MAST4: variants seen among roughly 807,000 people sequenced by gnomAD.
MAST4 encodes the protein microtubule associated serine/threonine kinase family member 4.
Under a neutral mutation model 162.7 loss-of-function variants are expected in MAST4, and 89 were observed. The observed-to-expected ratio is 0.55, with a 90% CI of 0.46 to 0.65. The LOEUF (loss-of-function observed/expected upper bound fraction) is 0.65, where lower values mean the gene tolerates loss of function less well. Ranked by LOEUF, MAST4 falls within the 30% of genes least tolerant of loss-of-function variation. MAST4 has a pLI of 0.00. For synonymous variants in MAST4, 1,479 were observed against 1,361.1 expected, an observed-to-expected ratio of 1.09 and a Z score of -1.91; for missense variants, 3,153 against 3,374.0, an observed-to-expected ratio of 0.93 and a Z score of 1.62.
At chr5:66,740,872 G>C (rs1240814478) in intron 1 of MAST4, among the ~76,000 whole-genome samples, 1 of 152,116 alleles carries the variant, frequency 6.6e-6, no homozygotes, top group African/African-American at 2.4e-5. Context: ...GATACCTTGG[G>C]CAAGTCACTT....
intron 3 of MAST4, chr5:66,792,078 T>C (rs542478495): frequency 6.3e-6 from 1 of 158,820 alleles, no homozygotes; most frequent in East Asian, 1.9e-4. Flanking sequence ...TTGGATTATA[T>C]CAAAATTATC....
chr5:66,656,591 A>G (rs1000134175), intron 1 of MAST4, among the ~76,000 whole-genome samples: 3 of 152,140 alleles, frequency 2.0e-5, no homozygotes, highest in African/African-American at 7.2e-5. Context: ...GTGGGACTCT[A>G]GATTCGATTA....
At chr5:67,124,381 G>T (rs369557286) in intron 14 of MAST4, among the ~76,000 whole-genome samples, 4 of 152,126 alleles carry the variant, frequency 2.6e-5, no homozygotes, top group South Asian at 4.2e-4. Flanking sequence ...TTACATGTCT[G>T]GCTGTCGGTG....
intron 3 of MAST4, among the ~76,000 whole-genome samples, chr5:66,859,510 T>G (rs1759935817): frequency 6.6e-6 from 1 of 152,178 alleles, no homozygotes; most frequent in Admixed American, 6.5e-5. Context: ...CCTGTTACCT[T>G]TCCCATAAAC....
chr5:67,078,857 T>TAA (rs1762085138), intron 5 of MAST4, among the ~76,000 whole-genome samples: 1 of 116,948 alleles, frequency 8.6e-6, no homozygotes, highest in African/African-American at 3.6e-5. Flanking sequence ...TTTATATATT[T>TAA]ATATAAATAT....
In MAST4 at chr5:67,167,259, TTGTACAAAAAA is replaced by T; in HGVS notation, c.*209_*219del. 3.1e-6 allele frequency: 1 copy of T among 324,666 alleles called. No homozygotes were observed. The highest frequency in any genetic ancestry group is 1.9e-4 in the South Asian group (1 of 5,278). 20.1% of individuals were successfully genotyped at this position (324,666 alleles called of 1,614,324 possible). A position where few individuals can be genotyped will look rare whatever the true frequency, so the allele number is the denominator to read the frequency against. ...CGGTAAAACTGTTACCAGATAGTGT[TTGTACAAAAAA>T]AAAAAAAAAAAAAAAAAAAAAAATT... On this transcript the variant is annotated 3_prime_UTR_variant, in exon 29 of 29. Transcript: ENST00000403625.
At chr5:66,961,973 CT>C (rs1173399684) in intron 4 of MAST4, among the ~76,000 whole-genome samples, 1 of 152,212 alleles carries the variant, frequency 6.6e-6, no homozygotes, top group African/African-American at 2.4e-5. Context: ...AAACTTTACT[CT>C]GTTGAAACAT....
chr5:66,603,054 G>A (rs76015269), intron 1 of MAST4, among the ~76,000 whole-genome samples: 1 of 152,162 alleles, frequency 6.6e-6, no homozygotes, highest in Non-Finnish European at 1.5e-5. Context: ...GCAGGGTATT[G>A]GTACCATCAG....
intron 4 of MAST4, among the ~76,000 whole-genome samples, chr5:66,972,294 T>A (rs1314834298): frequency 6.6e-6 from 1 of 152,178 alleles, no homozygotes; most frequent in African/African-American, 2.4e-5. Flanking sequence ...TGAGCTAAAT[T>A]TCATGGATTC....
intron 1 of MAST4, among the ~76,000 whole-genome samples, chr5:66,750,704 TAGCGAG>T (rs1337766004): frequency 6.6e-6 from 1 of 152,118 alleles, no homozygotes; most frequent in Non-Finnish European, 1.5e-5. Context: ...TGCAAGGCGG[TAGCGAG>T]GCTGGGGGAG....
chr5:66,828,776 G>T, intron 3 of MAST4: 8 of 1,574,856 alleles, frequency 5.1e-6, no homozygotes, highest in African/African-American at 1.3e-5. Context: ...CTGAATTAGC[G>T]TGCTGAAGTA....
chr5:66,783,658 T>C (rs1395547312), intron 2 of MAST4, among the ~76,000 whole-genome samples: 1 of 152,132 alleles, frequency 6.6e-6, no homozygotes, highest in Non-Finnish European at 1.5e-5. Flanking sequence ...GTTACCAAGA[T>C]TGGACTTTCA....
intron 4 of MAST4, among the ~76,000 whole-genome samples, chr5:66,915,854 G>T (rs1764083073): frequency 6.6e-6 from 1 of 152,148 alleles, no homozygotes; most frequent in Non-Finnish European, 1.5e-5. Context: ...CAGAGTTAAT[G>T]GAAGAAGACG....
chr5:66,784,027 A>G (rs1353542990), intron 2 of MAST4, among the ~76,000 whole-genome samples: 1 of 152,062 alleles, frequency 6.6e-6, no homozygotes, highest in East Asian at 1.9e-4. Flanking sequence ...TCCCACTGGC[A>G]GGGAGCCTTT....
At chr5:66,716,300 C>T (rs543595691) in intron 1 of MAST4, among the ~76,000 whole-genome samples, 7 of 152,004 alleles carry the variant, frequency 4.6e-5, no homozygotes, top group Non-Finnish European at 1.0e-4. Context: ...CTATTTAAAC[C>T]TAGGATGAAC....
At chr5:66,711,120 T>C (rs2149524024) in intron 1 of MAST4, among the ~76,000 whole-genome samples, 1 of 152,370 alleles carries the variant, frequency 6.6e-6, no homozygotes, top group Non-Finnish European at 1.5e-5. Context: ...TTGCTTCATC[T>C]ACCAAATGCT....
chr5:67,124,542 GC>G (rs758321462), intron 14 of MAST4, among the ~76,000 whole-genome samples: 8 of 152,026 alleles, frequency 5.3e-5, no homozygotes, highest in African/African-American at 2.4e-5. Context: ...CGAGTAATAT[GC>G]CCAAAGCAAT....
intron 4 of MAST4, among the ~76,000 whole-genome samples, chr5:66,974,116 G>A (rs1581070802): frequency 1.3e-5 from 2 of 152,060 alleles, no homozygotes; most frequent in Non-Finnish European, 2.9e-5. Flanking sequence ...GCCTTCCCCG[G>A]CCACTCTATG....
At chr5:66,996,287 T>A (rs34695) in intron 4 of MAST4, among the ~76,000 whole-genome samples, 75,772 of 151,590 alleles carry the variant, frequency 0.5, 19,760 homozygotes, top group East Asian at 0.68. Flanking sequence ...CTCAAAAAAA[T>A]ATATATATAT....
Sources: allele counts gnomAD v4.1 joint callset (sites outside exome capture counted in the v4.1 genomes callset), GRCh38; gene constraint gnomAD v4.1.1; transcripts MANE v1.5; gene names NCBI Gene and HGNC (gene_info 2026-07-23, HGNC 2026-07-21).